The following SPTBN4 variants were observed in gnomAD, a reference collection of about 807,000 sequenced individuals.
The protein encoded by SPTBN4 is spectrin beta, non-erythrocytic 4, also known as spectrin beta chain, non-erythrocytic 4.
A neutral mutation model predicts 277.8 loss-of-function variants in SPTBN4; 96 were observed. That is an observed-to-expected ratio of 0.35 (90% confidence interval 0.29 to 0.41). The LOEUF is 0.41. SPTBN4 is among the 10% of genes least tolerant of loss of function. SPTBN4 has a pLI of 1.00. For missense variants in SPTBN4, 3,006 were observed against 3,595.7 expected, an observed-to-expected ratio of 0.84 and a Z score of 4.19; for synonymous variants, 1,481 against 1,580.3, an observed-to-expected ratio of 0.94 and a Z score of 1.49.
chr19:40,529,924 C>T (rs375907888), intron 18 of SPTBN4, among the ~76,000 whole-genome samples: 2 of 152,082 alleles, frequency 1.3e-5, no homozygotes. Context: ...CAATTAAAGA[C>T]GATTCGACCC....
intron 15 of SPTBN4, among the ~76,000 whole-genome samples, chr19:40,518,304 T>TA (rs1836491317): frequency 6.6e-6 from 1 of 152,072 alleles, no homozygotes. Flanking sequence ...AGACTCTGTC[T>TA]AAAAAAGAAA....
rs765615623 is a variant in SPTBN4 at position 40,556,207 on chromosome 19, G to A, written c.5208G>A (p.Val1736=). Residue 1736 remains valine (V), a synonymous_variant, in exon 25 of 36, where the codon GTG becomes GTA. Transcript: ENST00000598249. ...QYWLYQLSRQ[V]SELEHWIAEK... is the part of the protein sequence containing the mutation. ...GGCTGTACCAGCTCAGCCGCCAGGT[G>A]AGCGAGCTTGAGCACTGGATTGCCG... is the stretch of plus-strand genomic sequence containing the variant. 1.2e-6 allele frequency: 2 copies of A among 1,613,654 alleles called. No homozygotes were observed. Among genetic ancestry groups the A allele is most frequent in the Admixed American group, 1.7e-5 (1 of 59,990 alleles).
rs191186701 is a variant in SPTBN4, at chr19:40,564,370, T to G, written c.5916-1053T>G. Among the ~76,000 whole-genome samples, 3 of 152,310 alleles carry G rather than the reference T, an allele frequency of 2.0e-5. No homozygotes were observed. The East Asian group carries it at 5.8e-4, about 29-fold the overall frequency. ...ATTAATGAGACATTTTACATTCTTT[T>G]TTACATTAACTCCACAAAATCTGGT... On this transcript the variant is annotated intron_variant, in intron 27 of 35. Transcript: ENST00000598249.
chr19:40,569,936 C>CACACA (rs2081133937), intron 32 of SPTBN4, among the ~76,000 whole-genome samples: 5 of 131,470 alleles, frequency 3.8e-5, no homozygotes, highest in African/African-American at 1.5e-4. Context: ...TACTGCCCCT[C>CACACA]CACACACACA....
chr19:40,574,522 C>G (rs1321986095), intron 35 of SPTBN4, among the ~76,000 whole-genome samples: 1 of 151,908 alleles, frequency 6.6e-6, no homozygotes, highest in Non-Finnish European at 1.5e-5. Context: ...CCACCATGCC[C>G]GGCTAATTTA....
intron 20 of SPTBN4, among the ~76,000 whole-genome samples, chr19:40,541,050 GCTGGGAAGTGGTATCTCA>G (rs899157600): frequency 5.3e-4 from 80 of 152,246 alleles, no homozygotes; most frequent in Non-Finnish European, 2.9e-4. Context: ...CAGTCCGATG[GCTGGGAAGTGGTATCTCA>G]CTGCAGTGTG....
intron 22 of SPTBN4, among the ~76,000 whole-genome samples, chr19:40,551,507 G>A (rs567084535): frequency 5.3e-5 from 8 of 152,252 alleles, no homozygotes; most frequent in Non-Finnish European, 1.2e-4. Context: ...CCTAACCTGA[G>A]CAAGGTGGGG....
intron 20 of SPTBN4, among the ~76,000 whole-genome samples, chr19:40,548,616 G>A (rs1294630416): frequency 6.6e-6 from 1 of 151,854 alleles, no homozygotes; most frequent in African/African-American, 2.4e-5. Flanking sequence ...TCAGGAGGCT[G>A]AGGCGGGAGA....
intron 13 of SPTBN4, among the ~76,000 whole-genome samples, chr19:40,507,447 T>C (rs984976662): frequency 6.6e-6 from 1 of 151,768 alleles, no homozygotes; most frequent in Non-Finnish European, 1.5e-5. Context: ...CTCATGCCTG[T>C]AATTCCAGAG....
At chr19:40,542,976 C>T (rs1241532089) in intron 20 of SPTBN4, among the ~76,000 whole-genome samples, 2 of 152,018 alleles carry the variant, frequency 1.3e-5, no homozygotes, top group Non-Finnish European at 1.5e-5. Context: ...ACTCAAATTA[C>T]GTCTTCACAA....
At chr19:40,484,556 T>C (rs75278471) in intron 2 of SPTBN4, among the ~76,000 whole-genome samples, 2,311 of 152,260 alleles carry the variant, frequency 0.015, 62 homozygotes, top group African/African-American at 0.054. Flanking sequence ...TCTGTAGACA[T>C]TGACCTTGGT....
chr19:40,564,828 C>T (rs555234094), intron 27 of SPTBN4, among the ~76,000 whole-genome samples: 1 of 149,002 alleles, frequency 6.7e-6, no homozygotes, highest in Non-Finnish European at 1.5e-5. Context: ...CAGAGCAAGA[C>T]CCTATTAAAA....
intron 5 of SPTBN4, among the ~76,000 whole-genome samples, chr19:40,494,691 A>T (rs959059667): frequency 4.6e-5 from 7 of 151,518 alleles, no homozygotes; most frequent in African/African-American, 1.7e-4. Flanking sequence ...TCTACTCACC[A>T]TCTATCACCT....
intron 2 of SPTBN4, among the ~76,000 whole-genome samples, chr19:40,478,534 T>A (rs2079973734): frequency 6.6e-6 from 1 of 152,000 alleles, no homozygotes; most frequent in South Asian, 2.1e-4. Flanking sequence ...GATCCCACCT[T>A]AAGAAATTTT....
intron 2 of SPTBN4, among the ~76,000 whole-genome samples, chr19:40,477,063 T>C (rs908766124): frequency 3.3e-4 from 47 of 142,278 alleles, no homozygotes; most frequent in Non-Finnish European, 6.1e-4. Flanking sequence ...TTATCATTAT[T>C]ATTATTTGGA....
chr19:40,565,372 A>C lies in SPTBN4; in HGVS notation c.5916-51A>C, dbSNP rs547907444. 198 of 1,576,528 alleles carry C rather than the reference A, an allele frequency of 1.3e-4. 5 individuals carry two copies. In the South Asian group the frequency reaches 2.2e-3, roughly 17 times the overall value. On this transcript the variant is annotated intron_variant, in intron 27 of 35. Transcript: ENST00000598249. ...TCACCAGGAGCCACATGTATGGGGC[A>C]GGCTGAGGAGGCTCCCTGTGGCTCA...
intron 2 of SPTBN4, among the ~76,000 whole-genome samples, chr19:40,481,018 T>C (rs1018663622): frequency 6.6e-6 from 1 of 152,088 alleles, no homozygotes; most frequent in Admixed American, 6.6e-5. Flanking sequence ...TGAGCCAAGA[T>C]AGTGCCACTG....
At chr19:40,506,701 G>C (rs2080334403) in intron 13 of SPTBN4, among the ~76,000 whole-genome samples, 1 of 152,174 alleles carries the variant, frequency 6.6e-6, no homozygotes, top group Non-Finnish European at 1.5e-5. Context: ...GTGTGGGCTG[G>C]GCACGGTGGC....
intron 11 of SPTBN4, among the ~76,000 whole-genome samples, chr19:40,503,478 C>T (rs924390774): frequency 1.3e-5 from 2 of 149,702 alleles, no homozygotes; most frequent in African/African-American, 2.5e-5. Context: ...GTCTGGTCTC[C>T]AGGGTAACTG....
Sources: allele counts gnomAD v4.1 joint callset (sites outside exome capture counted in the v4.1 genomes callset), GRCh38; gene constraint gnomAD v4.1.1; transcripts MANE v1.5; gene names NCBI Gene and HGNC (gene_info 2026-07-23, HGNC 2026-07-21).